Variants in RAPGEF1 observed in about 807,000 individuals in gnomAD.
RAPGEF1 encodes Rap guanine nucleotide exchange factor 1, also known as CRK SH3-binding GNRP.
A neutral mutation model predicts 143.3 loss-of-function variants in RAPGEF1; 33 were observed. The ratio of observed to expected loss-of-function variants is 0.23; its 90% CI spans 0.17 to 0.31. RAPGEF1 has a LOEUF of 0.31. Among genes scored for constraint, RAPGEF1 ranks in the 10% least tolerant of loss-of-function variants. The pLI is 1.00. For synonymous variants in RAPGEF1, 629 were observed against 676.5 expected, an observed-to-expected ratio of 0.93 and a Z score of 1.09; for missense variants, 1,199 against 1,645.4, an observed-to-expected ratio of 0.73 and a Z score of 4.69.
At chr9:131,640,169 G>A (rs920427267) in intron 4 of RAPGEF1, among the ~76,000 whole-genome samples, 5 of 152,240 alleles carry the variant, frequency 3.3e-5, no homozygotes, top group African/African-American at 1.2e-4. Context: ...CTCTCCGGGG[G>A]TTGGACCAGA....
At chr9:131,598,164 C>T in intron 16 of RAPGEF1, 35 bp downstream of exon 16, 1 of 1,572,034 alleles carries the variant, frequency 6.4e-7, no homozygotes, top group Non-Finnish European at 8.7e-7. Context: ...CTCTGTGGGG[C>T]CAGGCTGCAA....
chr9:131,616,221 C>T (rs1202064362), intron 12 of RAPGEF1, among the ~76,000 whole-genome samples: 3 of 152,078 alleles, frequency 2.0e-5, no homozygotes, highest in Non-Finnish European at 4.4e-5. Context: ...GAGCCGAGAT[C>T]GTGCCACTGA....
chr9:131,699,239 C>CTTTT (rs35856609), intron 1 of RAPGEF1, among the ~76,000 whole-genome samples: 1 of 124,806 alleles, frequency 8.0e-6, no homozygotes, highest in Non-Finnish European at 1.7e-5. Context: ...TCCACTGACA[C>CTTTT]TTTTTTTTTT....
intron 12 of RAPGEF1, 30 bp downstream of exon 12, chr9:131,619,020 TC>T: frequency 7.4e-7 from 1 of 1,347,886 alleles, no homozygotes; most frequent in Non-Finnish European, 9.9e-7. Context: ...TTCACGCGTT[TC>T]CAAGTAAAGA....
chr9:131,588,644 C>G (rs1258816019), intron 20 of RAPGEF1, among the ~76,000 whole-genome samples, 157 bp downstream of exon 20: 1 of 152,180 alleles, frequency 6.6e-6, no homozygotes, highest in Non-Finnish European at 1.5e-5. Flanking sequence ...GAGAAGAGGC[C>G]CAGCCCCCAG....
intron 5 of RAPGEF1, among the ~76,000 whole-genome samples, chr9:131,631,742 C>A (rs1450327756): frequency 2.0e-5 from 3 of 152,236 alleles, no homozygotes; most frequent in Admixed American, 2.0e-4. Flanking sequence ...CAGTTACCAT[C>A]CTTTCCAGCG....
intron 5 of RAPGEF1, among the ~76,000 whole-genome samples, chr9:131,635,629 A>T (rs936118417): frequency 6.6e-6 from 1 of 152,136 alleles, no homozygotes; most frequent in Non-Finnish European, 1.5e-5. Context: ...CCAGGCCTGA[A>T]AGGGACGGTG....
chr9:131,581,615 C>T (rs13298424), intron 25 of RAPGEF1, among the ~76,000 whole-genome samples: 30,894 of 151,800 alleles, frequency 0.2, 4,378 homozygotes, highest in African/African-American at 0.4. Flanking sequence ...GGTGGGAGAA[C>T]TGCTTGAACT....
rs957524613 is a variant in RAPGEF1, at chr9:131,650,540, A to C, written c.201+270T>G. On this transcript the variant is annotated intron_variant, in intron 2 of 26. Coordinates refer to ENST00000683357, the MANE Select transcript of RAPGEF1 (RefSeq NM_001377935.1). This position sits in a 1 kb window ranked among gnomAD's most constrained non-coding sequence, Gnocchi z 4.7. ...GGAGGCAGCAGCCTGGGGTGTGGAC[A>C]TGATGTGCTGAGCTGTTTTAAATGC... 1.3e-5 allele frequency among the ~76,000 whole-genome samples: 2 copies of C among 152,170 alleles called. No homozygotes were observed. The highest frequency in any genetic ancestry group is 2.4e-5 in the African/African-American group (1 of 41,472).
At chr9:131,706,772 C>T (rs1296788064) in intron 1 of RAPGEF1, among the ~76,000 whole-genome samples, 1 of 152,188 alleles carries the variant, frequency 6.6e-6, no homozygotes, top group Non-Finnish European at 1.5e-5. Flanking sequence ...GTCCCCGGGT[C>T]TATCAGCCCA....
At chr9:131,634,291 C>G (rs769577931) in intron 5 of RAPGEF1, among the ~76,000 whole-genome samples, 9 of 152,026 alleles carry the variant, frequency 5.9e-5, no homozygotes, top group Non-Finnish European at 1.0e-4. Context: ...GAGTCTATGT[C>G]TACAGCAGTG....
intron 1 of RAPGEF1, among the ~76,000 whole-genome samples, chr9:131,672,753 C>T (rs1446373409): frequency 6.6e-6 from 1 of 152,134 alleles, no homozygotes; most frequent in Non-Finnish European, 1.5e-5. Flanking sequence ...TAGGATAAGC[C>T]CCTCCTGGTT....
intron 1 of RAPGEF1, among the ~76,000 whole-genome samples, chr9:131,694,983 T>C (rs557800759): frequency 2.1e-4 from 26 of 126,586 alleles, no homozygotes; most frequent in African/African-American, 7.8e-4. Context: ...GTGTGTGATG[T>C]TCCCCTTCCT....
chr9:131,729,977 G>A (rs7860456), intron 1 of RAPGEF1, among the ~76,000 whole-genome samples: 6,805 of 151,672 alleles, frequency 0.045, 516 homozygotes, highest in African/African-American at 0.16. Context: ...GGCAGATCAC[G>A]AGGTCAGGAG....
intron 1 of RAPGEF1, among the ~76,000 whole-genome samples, chr9:131,695,105 G>A (rs1450133180): frequency 6.6e-6 from 1 of 151,888 alleles, no homozygotes; most frequent in Non-Finnish European, 1.5e-5. Context: ...GTTTCATGAG[G>A]ATATCTGTAA....
At position 131,584,604 on chromosome 9, in the gene RAPGEF1, G is replaced by A; in HGVS notation, c.3234-8C>T. On this transcript the variant is annotated splice_polypyrimidine_tract_variant and splice_region_variant and intron_variant, in intron 22 of 26. Coordinates refer to ENST00000683357, the MANE Select transcript of RAPGEF1 (RefSeq NM_001377935.1). This position sits in a 1 kb window ranked among gnomAD's most constrained non-coding sequence, Gnocchi z 6.8. ...ATGATTATGGACCGGACCCTGCATG[G>A]ACCAAGGGAAAAAGAAACAGCTGAG... 6.2e-7 allele frequency: 1 copy of A among 1,613,798 alleles called. No homozygotes were observed. The highest frequency in any genetic ancestry group is 8.5e-7 in the Non-Finnish European group (1 of 1,179,720).
intron 12 of RAPGEF1, among the ~76,000 whole-genome samples, chr9:131,618,414 C>T (rs1251895598): frequency 6.6e-6 from 1 of 152,200 alleles, no homozygotes; most frequent in African/African-American, 2.4e-5. Context: ...GTGACAAATG[C>T]TCACTATTAT....
At chr9:131,693,518 G>T (rs1564173315) in intron 1 of RAPGEF1, among the ~76,000 whole-genome samples, 1 of 152,034 alleles carries the variant, frequency 6.6e-6, no homozygotes, top group East Asian at 1.9e-4. Flanking sequence ...AGTCCCCTCT[G>T]CTTTAACCTT....
At chr9:131,645,944 G>C (rs1296191023) in intron 3 of RAPGEF1, among the ~76,000 whole-genome samples, 4 of 152,150 alleles carry the variant, frequency 2.6e-5, no homozygotes, top group African/African-American at 9.7e-5. Flanking sequence ...GACTGTGGGG[G>C]ACTGAATGAG....
Sources: gnomAD v4.1 joint callset for allele counts (sites outside exome capture counted in the v4.1 genomes callset) on GRCh38, gnomAD v4.1.1 for gene constraint, Gnocchi (gnomAD v3.1) non-coding constraint, MANE v1.5 for transcripts, NCBI Gene and HGNC (gene_info 2026-07-23, HGNC 2026-07-21) for gene names.